The following RPS6KC1 variants were observed in gnomAD, a reference collection of about 807,000 sequenced individuals.
RPS6KC1 encodes the protein inactive ribosomal protein S6 kinase delta-1.
A neutral mutation model predicts 103.8 loss-of-function variants in RPS6KC1; 54 were observed. The ratio of observed to expected loss-of-function variants is 0.52; its 90% CI spans 0.42 to 0.65. The LOEUF (loss-of-function observed/expected upper bound fraction) is 0.65. Ranked by LOEUF, RPS6KC1 falls within the 30% of genes least tolerant of loss-of-function variation. The pLI, the probability that RPS6KC1 is intolerant of heterozygous loss-of-function variation, is 0.00. For missense variants in RPS6KC1, 1,151 were observed against 1,253.8 expected (o/e 0.92, Z 1.24); for synonymous variants, 439 against 438.7 (o/e 1.00, Z -0.01).
At chr1:213,114,037 ATG>A (rs1297330324) in intron 4 of RPS6KC1, among the ~76,000 whole-genome samples, 1 of 151,864 alleles carries the variant, frequency 6.6e-6, no homozygotes, top group Non-Finnish European at 1.5e-5. Context: ...TGACTTGGCG[ATG>A]TGGGCTCTTT....
At chr1:213,271,621 G>A (rs1202848551) in intron 14 of RPS6KC1, among the ~76,000 whole-genome samples, 14 of 151,812 alleles carry the variant, frequency 9.2e-5, no homozygotes, top group African/African-American at 2.4e-4. Flanking sequence ...AAAATTAGCC[G>A]GGCATGGTGG....
chr1:213,117,121 G>A (rs2083741584), intron 4 of RPS6KC1, among the ~76,000 whole-genome samples, 196 bp from the exon 5 acceptor site: 1 of 151,952 alleles, frequency 6.6e-6, no homozygotes, highest in Non-Finnish European at 1.5e-5. Context: ...AATATCTTGG[G>A]TTGGTGTAGT....
chr1:213,518,532 T>C, the RPS6KC1 span, among the ~76,000 whole-genome samples: 21 of 152,222 alleles, frequency 1.4e-4, no homozygotes, highest in African/African-American at 5.1e-4. Flanking sequence ...GACACCTTGA[T>C]TTCAGACTTT....
intron 6 of RPS6KC1, among the ~76,000 whole-genome samples, chr1:213,151,951 G>C (rs1208053466): frequency 7.8e-6 from 1 of 127,964 alleles, no homozygotes; most frequent in Non-Finnish European, 1.7e-5. Context: ...CTCCCTCCCG[G>C]ATGGGGCGGC....
chr1:213,256,985 T>G (rs888651354), intron 12 of RPS6KC1, among the ~76,000 whole-genome samples: 1 of 152,236 alleles, frequency 6.6e-6, no homozygotes, highest in African/African-American at 2.4e-5. Context: ...TGAAGTCTTT[T>G]TATCTTGCAA....
the RPS6KC1 span, among the ~76,000 whole-genome samples, chr1:213,834,711 C>T: frequency 1.8e-5 from 2 of 109,592 alleles, no homozygotes; most frequent in African/African-American, 8.1e-5. Context: ...CACACACGTA[C>T]ACACACACAC....
chr1:213,235,385 TTAAG>T (rs1332313701), intron 10 of RPS6KC1, among the ~76,000 whole-genome samples: 1 of 152,052 alleles, frequency 6.6e-6, no homozygotes, highest in Non-Finnish European at 1.5e-5. Context: ...AAGCAAATAT[TTAAG>T]TAAATATATG....
the RPS6KC1 span, among the ~76,000 whole-genome samples, chr1:213,657,623 G>T: frequency 6.6e-6 from 1 of 152,202 alleles, no homozygotes; most frequent in African/African-American, 2.4e-5. Flanking sequence ...AAGCATTAGA[G>T]AATTCAATTC....
intron 8 of RPS6KC1, among the ~76,000 whole-genome samples, chr1:213,185,895 C>T (rs1343399126): frequency 1.3e-5 from 2 of 149,694 alleles, no homozygotes; most frequent in Non-Finnish European, 3.0e-5. Context: ...GCTGTGGTTG[C>T]CAGTTACCAT....
Position 213,272,507 on chromosome 1 carries a change from AGTCC to A in RPS6KC1, c.3091-13_3091-10del. The stretch of plus-strand genomic sequence containing the variant: ...CCAGTTGGATTCCTGTTACTCACTA[AGTCC>A]GTCTTTTTTTAGCTCTTGCAGTTCA... On this transcript the variant is annotated splice_polypyrimidine_tract_variant and intron_variant, in intron 14 of 14. Transcript: ENST00000366960. The A allele has an allele frequency of 6.3e-7, 1 of 1,599,054 alleles. No individual in the cohort carries two copies. The highest frequency in any genetic ancestry group is 8.6e-7 in the Non-Finnish European group (1 of 1,166,396).
chr1:213,247,090 C>G (rs897187552), intron 12 of RPS6KC1, among the ~76,000 whole-genome samples: 6 of 152,086 alleles, frequency 3.9e-5, no homozygotes, highest in African/African-American at 1.4e-4. Flanking sequence ...ATTTTAAATG[C>G]TTGAAATTTA....
chr1:213,695,816 T>C, the RPS6KC1 span, among the ~76,000 whole-genome samples: 2 of 152,198 alleles, frequency 1.3e-5, no homozygotes, highest in Non-Finnish European at 2.9e-5. Flanking sequence ...CAATTGGTTT[T>C]GAGGCAAAAA....
the RPS6KC1 span, among the ~76,000 whole-genome samples, chr1:213,403,525 A>G: frequency 6.6e-6 from 1 of 152,192 alleles, no homozygotes; most frequent in East Asian, 1.9e-4. Flanking sequence ...AATGGTTCCT[A>G]TATTAGACCT....
At chr1:213,546,237 A>C in the RPS6KC1 span, 1 of 152,208 alleles carries the variant, frequency 6.6e-6, no homozygotes, top group Non-Finnish European at 1.5e-5. Context: ...TATGGTGATG[A>C]GGGAAGCAGA....
chr1:213,491,513 A>G, the RPS6KC1 span, among the ~76,000 whole-genome samples: 2 of 152,098 alleles, frequency 1.3e-5, no homozygotes, highest in African/African-American at 4.8e-5. Flanking sequence ...GCACCATTGC[A>G]CTCCATCCTG....
intron 8 of RPS6KC1, among the ~76,000 whole-genome samples, chr1:213,218,845 C>T (rs1225199925): frequency 6.6e-6 from 1 of 152,168 alleles, no homozygotes; most frequent in Non-Finnish European, 1.5e-5. Flanking sequence ...TGGATCCCTT[C>T]CTTACACCTT....
chr1:213,823,726 C>CCACACACACA, the RPS6KC1 span, among the ~76,000 whole-genome samples: 6,743 of 146,334 alleles, frequency 0.046, 222 homozygotes, highest in South Asian at 0.093. Flanking sequence ...GCTATCACAG[C>CCACACACACA]CACACACACA....
At chr1:213,519,679 T>A in the RPS6KC1 span, among the ~76,000 whole-genome samples, 1 of 152,178 alleles carries the variant, frequency 6.6e-6, no homozygotes, top group Admixed American at 6.5e-5. Flanking sequence ...TACAGTCAGT[T>A]ATTTAAAATC....
chr1:213,408,863 G>A, the RPS6KC1 span, among the ~76,000 whole-genome samples: 2 of 152,178 alleles, frequency 1.3e-5, no homozygotes, highest in South Asian at 4.1e-4. Context: ...ATACTACAGA[G>A]GCAAAGGAGG....
Sources: gnomAD v4.1 joint callset for allele counts (sites outside exome capture counted in the v4.1 genomes callset) on GRCh38, gnomAD v4.1.1 for gene constraint, MANE v1.5 for transcripts, NCBI Gene and HGNC (gene_info 2026-07-23, HGNC 2026-07-21) for gene names.